The following HELZ variants were observed in gnomAD, a reference collection of about 807,000 sequenced individuals.
HELZ encodes the protein ATP-dependent RNA helicase with zinc finger domain.
HELZ carries 23 observed loss-of-function variants against 218.2 expected under a neutral mutation model. The ratio of observed to expected loss-of-function variants is 0.11; its 90% CI spans 0.08 to 0.15. The LOEUF (loss-of-function observed/expected upper bound fraction) is 0.15, where lower values mean the gene tolerates loss of function less well. Among genes scored for constraint, HELZ ranks in the 10% least tolerant of loss-of-function variants. HELZ has a pLI of 1.00. For missense variants in HELZ, 1,813 were observed against 2,353.7 expected (o/e 0.77, Z 4.75); for synonymous variants, 814 against 829.4 (o/e 0.98, Z 0.32).
intron 21 of HELZ, among the ~76,000 whole-genome samples, chr17:67,140,337 G>C (rs1434908086): frequency 1.3e-5 from 2 of 152,134 alleles, no homozygotes; most frequent in Non-Finnish European, 2.9e-5. Context: ...TGAGCGGAAG[G>C]CTCACAAACT....
At chr17:67,097,632 ACGT>A (rs2036790434) in intron 31 of HELZ, among the ~76,000 whole-genome samples, 1 of 152,204 alleles carries the variant, frequency 6.6e-6, no homozygotes, top group South Asian at 2.1e-4. Flanking sequence ...TCAGAGAAAA[ACGT>A]CAGGTTCACT....
At chr17:67,217,100 C>T (rs868451670) in intron 4 of HELZ, among the ~76,000 whole-genome samples, 2 of 152,188 alleles carry the variant, frequency 1.3e-5, no homozygotes, top group South Asian at 4.1e-4. Context: ...TGACTGCTTA[C>T]TCAGCATCTT....
At chr17:67,174,505 A>G (rs1306175392) in intron 13 of HELZ, among the ~76,000 whole-genome samples, 3 of 152,174 alleles carry the variant, frequency 2.0e-5, no homozygotes, top group African/African-American at 7.2e-5. Context: ...GTGATTAGAA[A>G]TATTCTGCTT....
chr17:67,087,147 C>T, intron 31 of HELZ, 66 bp from the exon 32 acceptor site: 1 of 1,447,664 alleles, frequency 6.9e-7, no homozygotes, highest in East Asian at 2.3e-5. Context: ...TCTCTTTTCA[C>T]TCCATAGCAA....
chr17:67,120,919 A>G (rs1256127757), intron 26 of HELZ, among the ~76,000 whole-genome samples: 1 of 152,212 alleles, frequency 6.6e-6, no homozygotes, highest in African/African-American at 2.4e-5. Context: ...ATTTTATAGT[A>G]TTTACTTGTT....
intron 24 of HELZ, among the ~76,000 whole-genome samples, chr17:67,128,334 CTTCT>C (rs1159009673): frequency 6.6e-6 from 1 of 152,096 alleles, no homozygotes; most frequent in Non-Finnish European, 1.5e-5. Flanking sequence ...ATCTTTTAAA[CTTCT>C]TTGTTTTATT....
chr17:67,119,428 G>A (rs2037529666), intron 27 of HELZ, among the ~76,000 whole-genome samples: 1 of 152,188 alleles, frequency 6.6e-6, no homozygotes, highest in African/African-American at 2.4e-5. Context: ...ATACTAGAGA[G>A]TATGGGACAA....
intron 23 of HELZ, among the ~76,000 whole-genome samples, chr17:67,131,168 A>C (rs2037970647): frequency 6.6e-6 from 1 of 152,184 alleles, no homozygotes; most frequent in Non-Finnish European, 1.5e-5. Flanking sequence ...GATTATGGGC[A>C]TGAGCTACTG....
rs1177765246 is a variant in HELZ, at chr17:67,135,963, T to C, written c.3182+7A>G. 1.2e-6 allele frequency: 2 copies of C among 1,603,600 alleles called. No individual in the cohort carries two copies. Among genetic ancestry groups the C allele is most frequent in the Admixed American group, 1.7e-5 (1 of 59,646 alleles). On this transcript the variant is annotated splice_region_variant and intron_variant, in intron 23 of 32. Transcript: ENST00000358691. ...CCTTTAATGTCTCAACATTAACACA[T>C]AATTACCTGCATCTTCCAATAGAGC... is the stretch of plus-strand genomic sequence containing the variant.
chr17:67,086,663 T>TAG (rs2036400929), intron 32 of HELZ, among the ~76,000 whole-genome samples, 166 bp downstream of exon 32: 1 of 128,376 alleles, frequency 7.8e-6, no homozygotes, highest in South Asian at 2.6e-4. Context: ...TATATATATA[T>TAG]AGAATCAATA....
At chr17:67,179,799 C>T (rs2039558307) in intron 12 of HELZ, 3 of 151,784 alleles carry the variant, frequency 2.0e-5, no homozygotes, top group African/African-American at 7.3e-5. Context: ...TTTGACATAA[C>T]ATAATTGGAA....
At chr17:67,245,520 G>T, upstream of HELZ, 2 of 985,248 alleles carry the variant, frequency 2.0e-6, no homozygotes, top group Non-Finnish European at 2.4e-6. Context: ...ATCAACCCGA[G>T]GTTTCCTTGC....
intron 27 of HELZ, among the ~76,000 whole-genome samples, chr17:67,119,196 T>C (rs1432650145): frequency 6.6e-6 from 1 of 152,196 alleles, no homozygotes; most frequent in East Asian, 1.9e-4. Context: ...TGTTCACATG[T>C]ATGTTCACAG....
Position 67,145,843 on chromosome 17 carries a change from T to C in HELZ, c.2669A>G (p.Lys890Arg), listed in dbSNP as rs2038476816. Residue 890 changes from lysine (K) to arginine (R), a missense_variant, in exon 21 of 33, where the codon AAG becomes AGG. Around this residue, in one of 4 missense-constraint regions of HELZ, gnomAD observed 156 missense variants for 274.4 expected, o/e 0.57. Coordinates refer to ENST00000358691, the MANE Select transcript of HELZ (RefSeq NM_014877.4). ...FYEGKLMASG[K>R]QPAHKDFYPL... ...GTAGAAATCTTTGTGTGCTGGCTGC[T>C]TCCCACTGGCCATCAGTTTGCCCTC... is the stretch of plus-strand genomic sequence containing the variant. The C allele has an allele frequency of 2.5e-6, 4 of 1,613,870 alleles. No homozygotes were observed. The highest frequency in any genetic ancestry group is 3.4e-6 in the Non-Finnish European group (4 of 1,179,856).
intron 31 of HELZ, among the ~76,000 whole-genome samples, chr17:67,094,087 C>T (rs188741844): frequency 1.1e-3 from 162 of 152,136 alleles, no homozygotes; most frequent in African/African-American, 3.6e-3. Flanking sequence ...TTTTGGAGGC[C>T]GAGGTGGGCA....
At chr17:67,183,020 T>C (rs1378682621) in intron 12 of HELZ, among the ~76,000 whole-genome samples, 1 of 152,204 alleles carries the variant, frequency 6.6e-6, no homozygotes, top group African/African-American at 2.4e-5. Context: ...GGGTGTTAAA[T>C]ATGGAATTTA....
At chr17:67,113,475 T>G (rs9893194) in intron 28 of HELZ, among the ~76,000 whole-genome samples, 74,526 of 151,846 alleles carry the variant, frequency 0.49, 19,159 homozygotes, top group East Asian at 0.88. Flanking sequence ...TTAGCCTGGA[T>G]AGTCTCAATC....
chr17:67,144,641 C>T (rs1024663830), intron 21 of HELZ, among the ~76,000 whole-genome samples: 8 of 151,842 alleles, frequency 5.3e-5, no homozygotes, highest in African/African-American at 7.3e-5. Context: ...ACATCAATCC[C>T]GCCTCAGGAT....
chr17:67,193,848 G>A (rs2039959775), intron 9 of HELZ, 119 bp downstream of exon 9: 1 of 697,220 alleles, frequency 1.4e-6, no homozygotes, highest in Non-Finnish European at 2.5e-6. Flanking sequence ...TAATGATAAT[G>A]ACCTTTATGG....
Sources: gnomAD v4.1 joint callset for allele counts (sites outside exome capture counted in the v4.1 genomes callset) on GRCh38, gnomAD v4.1.1 for gene constraint, gnomAD v4.1.1 regional missense constraint, MANE v1.5 for transcripts, NCBI Gene and HGNC (gene_info 2026-07-23, HGNC 2026-07-21) for gene names.